NMNAT1: variants seen among roughly 807,000 people sequenced by gnomAD.
NMNAT1 encodes the protein nicotinamide nucleotide adenylyltransferase 1.
Under a neutral mutation model 16.7 loss-of-function variants are expected in NMNAT1, and 11 were observed. That is an observed-to-expected ratio of 0.66 (90% CI 0.41 to 1.09). NMNAT1 has a LOEUF of 1.09. Among genes scored for constraint, NMNAT1 ranks in the 50% least tolerant of loss-of-function variants. NMNAT1 has a pLI of 0.00. For missense variants in NMNAT1, 280 were observed against 332.3 expected (o/e 0.84, Z 1.22); for synonymous variants, 110 against 119.8 (o/e 0.92, Z 0.53).
chr1:9,994,205 G>T, the NMNAT1 span, among the ~76,000 whole-genome samples: 1 of 147,892 alleles, frequency 6.8e-6, no homozygotes, highest in Admixed American at 6.9e-5. Context: ...CTGCCTCCCG[G>T]GTTCAAGTGA....
intron 2 of NMNAT1, 72 bp downstream of exon 2, chr1:9,972,260 C>A: frequency 1.3e-6 from 1 of 787,846 alleles, no homozygotes. Flanking sequence ...CCTGCAATCC[C>A]AGCATTTTGG....
chr1:9,953,706 G>T (rs1192166068), intron 1 of NMNAT1, among the ~76,000 whole-genome samples: 1 of 151,260 alleles, frequency 6.6e-6, no homozygotes, highest in Non-Finnish European at 1.5e-5. Flanking sequence ...CTCCCAAAGT[G>T]CTGGGATTGC....
chr1:9,990,286 C>A (rs867772996), downstream of NMNAT1, among the ~76,000 whole-genome samples: 8 of 152,092 alleles, frequency 5.3e-5, no homozygotes, highest in Admixed American at 1.3e-4. Flanking sequence ...CGGGTTCTTT[C>A]CATCCCTCTA....
intron 1 of NMNAT1, among the ~76,000 whole-genome samples, chr1:9,957,063 CTT>C (rs1641280163): frequency 6.6e-6 from 1 of 150,436 alleles, no homozygotes; most frequent in Non-Finnish European, 1.5e-5. Flanking sequence ...GAGTTTCGCT[CTT>C]GTCACCCAGG....
chr1:9,964,929 CAAAAAA>C (rs775381643), intron 1 of NMNAT1, among the ~76,000 whole-genome samples: 1 of 33,448 alleles, frequency 3.0e-5, no homozygotes, highest in Admixed American at 4.1e-4. Flanking sequence ...ACCTGGGCGA[CAAAAAA>C]AAAAAAAAAA....
downstream of NMNAT1, among the ~76,000 whole-genome samples, chr1:9,990,061 T>G (rs1345885734): frequency 1.3e-5 from 2 of 152,238 alleles, no homozygotes; most frequent in Non-Finnish European, 2.9e-5. Context: ...GGCTGGCTAG[T>G]TCCAGCGCCC....
At chr1:9,956,784 T>C (rs1183077572) in intron 1 of NMNAT1, among the ~76,000 whole-genome samples, 2 of 146,392 alleles carry the variant, frequency 1.4e-5, no homozygotes, top group African/African-American at 2.5e-5. Flanking sequence ...CAGGCTGGAA[T>C]GTAATGGTGT....
chr1:9,975,283 T>C (rs537583760), intron 2 of NMNAT1, among the ~76,000 whole-genome samples: 32 of 152,146 alleles, frequency 2.1e-4, no homozygotes, highest in African/African-American at 6.7e-4. Flanking sequence ...GGCAGATCAC[T>C]TGAGGTCAGG....
chr1:9,970,544 G>T (rs544462785), intron 1 of NMNAT1, among the ~76,000 whole-genome samples: 70 of 151,944 alleles, frequency 4.6e-4, no homozygotes, highest in Middle Eastern at 3.4e-3. Flanking sequence ...AAAAAATTAG[G>T]CAGGTGTGGT....
chr1:9,983,976 A>G lies in NMNAT1; in HGVS notation c.*1275A>G, dbSNP rs952264866. ...GCCTGTGCCCTGCTCAGCTGTGACT[A>G]CTGACCTCAGGACCTCACTGGACAA... is the stretch of plus-strand genomic sequence containing the variant. On this transcript the variant is annotated 3_prime_UTR_variant, in exon 5 of 5. Transcript: ENST00000377205. The G allele has an allele frequency of 6.6e-6, 1 of 152,110 alleles. No individual in the cohort carries two copies. The highest frequency in any genetic ancestry group is 1.5e-5 in the Non-Finnish European group (1 of 68,050). 9.4% of individuals were successfully genotyped at this position (152,110 alleles called of 1,614,324 possible).
At chr1:9,987,300 G>A (rs1450476504), downstream of NMNAT1, among the ~76,000 whole-genome samples, 1 of 152,114 alleles carries the variant, frequency 6.6e-6, no homozygotes, top group African/African-American at 2.4e-5. Context: ...CTTGAGCCCA[G>A]CATGAGCAAC....
intron 1 of NMNAT1, among the ~76,000 whole-genome samples, chr1:9,954,223 C>CT (rs200912795): frequency 1.3e-4 from 19 of 150,468 alleles, no homozygotes; most frequent in African/African-American, 2.4e-4. Context: ...ACTCTGTGTC[C>CT]TTTTTTTTTG....
At position 9,983,088 on chromosome 1, in the gene NMNAT1, G is replaced by C; in HGVS notation, c.*387G>C. On this transcript the variant is annotated 3_prime_UTR_variant, in exon 5 of 5. Coordinates refer to ENST00000377205, the MANE Select transcript of NMNAT1 (RefSeq NM_022787.4). The stretch of plus-strand genomic sequence containing the variant: ...ACCATTGCACTCCAGCCTGGCGACA[G>C]AGCAAGACTCTGTCTCAAAAAAAAA... 6.8e-6 allele frequency: 1 copy of C among 148,108 alleles called. No individual in the cohort carries two copies. The highest frequency in any genetic ancestry group is 1.5e-5 in the Non-Finnish European group (1 of 68,604). The allele number at this position is 148,108 out of a possible 1,614,324, so 9.2% of individuals were successfully genotyped here. A position where few individuals can be genotyped will look rare whatever the true frequency, so the allele number is the denominator to read the frequency against.
chr1:9,959,553 C>CGT (rs1641354280), intron 1 of NMNAT1, among the ~76,000 whole-genome samples: 2 of 151,676 alleles, frequency 1.3e-5, no homozygotes, highest in Non-Finnish European at 2.9e-5. Flanking sequence ...TGGTGGCATG[C>CGT]GCCTGTAATC....
chr1:9,971,001 C>T (rs1010651416), intron 1 of NMNAT1, among the ~76,000 whole-genome samples: 2 of 152,068 alleles, frequency 1.3e-5, no homozygotes, highest in East Asian at 1.9e-4. Flanking sequence ...GTTGGCTTGA[C>T]GATCTGAGCC....
At chr1:9,975,181 C>T (rs535612938) in intron 2 of NMNAT1, among the ~76,000 whole-genome samples, 2 of 152,194 alleles carry the variant, frequency 1.3e-5, no homozygotes, top group African/African-American at 2.4e-5. Flanking sequence ...AAGCTGGAAT[C>T]CCTAAAGAAA....
At chr1:9,954,084 G>A (rs570291493) in intron 1 of NMNAT1, among the ~76,000 whole-genome samples, 11 of 152,056 alleles carry the variant, frequency 7.2e-5, no homozygotes, top group Non-Finnish European at 1.3e-4. Context: ...GGGATTACAG[G>A]CATGAGCCAC....
chr1:9,961,649 T>C lies in NMNAT1; in HGVS notation c.-56-10369T>C, dbSNP rs939210293. On this transcript the variant is annotated intron_variant, in intron 1 of 4. Transcript: ENST00000377205. ...GGTAAGACATTTAAATCATTCTTAGTGATGAACTCATTTTTTTCTAATGCC... is the reference window on the plus strand; with the variant it reads ...GGTAAGACATTTAAATCATTCTTAGCGATGAACTCATTTTTTTCTAATGCC... 5.3e-5 allele frequency among the ~76,000 whole-genome samples: 8 copies of C among 152,306 alleles called. No homozygotes were observed. The East Asian group carries it at 1.4e-3, about 26-fold the overall frequency.
chr1:9,977,000 G>A (rs1365978103), intron 3 of NMNAT1, among the ~76,000 whole-genome samples: 1 of 151,152 alleles, frequency 6.6e-6, no homozygotes, highest in African/African-American at 2.4e-5. Context: ...TCTGCCTCCC[G>A]GGTTCAAGCC....
Sources: gnomAD v4.1 joint callset for allele counts (sites outside exome capture counted in the v4.1 genomes callset) on GRCh38, gnomAD v4.1.1 for gene constraint, MANE v1.5 for transcripts, NCBI Gene and HGNC (gene_info 2026-07-23, HGNC 2026-07-21) for gene names.